The following MARCHF10 variants were observed in gnomAD, a reference collection of about 807,000 sequenced individuals.
The protein encoded by MARCHF10 is probable E3 ubiquitin-protein ligase MARCHF10.
Under a neutral mutation model 76.2 loss-of-function variants are expected in MARCHF10, and 64 were observed. The observed-to-expected ratio is 0.84, with a 90% CI of 0.69 to 1.03. MARCHF10 has a LOEUF of 1.03. Among genes scored for constraint, MARCHF10 ranks in the 50% least tolerant of loss-of-function variants. The pLI is 0.00. For synonymous variants in MARCHF10, 340 were observed against 357.5 expected (o/e 0.95, Z 0.55); for missense variants, 875 against 958.0 (o/e 0.91, Z 1.14).
intron 2 of MARCHF10, among the ~76,000 whole-genome samples, chr17:62,795,553 T>C (rs1211419283): frequency 6.6e-6 from 1 of 152,144 alleles, no homozygotes; most frequent in Non-Finnish European, 1.5e-5. Flanking sequence ...AGGAGTAGTA[T>C]CAAAATAACT....
At chr17:62,753,949 A>G (rs1204341322) in intron 4 of MARCHF10, among the ~76,000 whole-genome samples, 1 of 152,210 alleles carries the variant, frequency 6.6e-6, no homozygotes, top group Admixed American at 6.5e-5. Context: ...CCCTGGTATC[A>G]TACACCCTGG....
Position 62,801,651 on chromosome 17 carries a change from A to T in MARCHF10, c.85T>A (p.Tyr29Asn). The T allele has an allele frequency of 6.2e-7, 1 of 1,613,804 alleles. No individual in the cohort carries two copies. The highest frequency in any genetic ancestry group is 2.2e-5 in the East Asian group (1 of 44,872). ...RDMQHKVDSE[Y>N]QACLRRQEYR... ...TTCTTGCTTTCTGCAATTACCTGAT[A>T]CTCAGAGTCCACCTTATGCTGCATG... The change falls in exon 2 of 11, where the codon TAT becomes AAT. Residue 29 changes from tyrosine (Y) to asparagine (N), a missense_variant. By Grantham distance (143) the Tyr-to-Asn change is moderately radical. Transcript: ENST00000311269.
intron 2 of MARCHF10, among the ~76,000 whole-genome samples, chr17:62,791,370 G>A (rs2092839557): frequency 6.6e-6 from 1 of 152,238 alleles, no homozygotes; most frequent in African/African-American, 2.4e-5. Context: ...TGAAAGTGGA[G>A]GAGGCAGTGT....
At chr17:62,801,492 G>A (rs1199184839) in intron 2 of MARCHF10, among the ~76,000 whole-genome samples, 154 bp downstream of exon 2, 1 of 150,130 alleles carries the variant, frequency 6.7e-6, no homozygotes, top group Non-Finnish European at 1.5e-5. Context: ...CGAGGATACA[G>A]AGAGGTGAAG....
At chr17:62,785,175 GAT>G (rs1372005762) in intron 3 of MARCHF10, among the ~76,000 whole-genome samples, 2 of 152,106 alleles carry the variant, frequency 1.3e-5, no homozygotes, top group Non-Finnish European at 2.9e-5. Flanking sequence ...TACCAAAACA[GAT>G]ATATAGACCA....
intron 3 of MARCHF10, among the ~76,000 whole-genome samples, chr17:62,768,111 C>T (rs1008341204): frequency 6.6e-6 from 1 of 152,254 alleles, no homozygotes; most frequent in Admixed American, 6.5e-5. Flanking sequence ...CTGACCTGCA[C>T]ATCTCACCAG....
At chr17:62,725,957 C>A (rs1404766257) in intron 6 of MARCHF10, 4 of 152,280 alleles carry the variant, frequency 2.6e-5, no homozygotes, top group Non-Finnish European at 5.9e-5. Flanking sequence ...ACCTGTTCTG[C>A]AAACTGTAAA....
At chr17:62,793,928 C>T (rs2092936340) in intron 2 of MARCHF10, among the ~76,000 whole-genome samples, 1 of 149,398 alleles carries the variant, frequency 6.7e-6, no homozygotes, top group Non-Finnish European at 1.5e-5. Context: ...CCACCACCAC[C>T]TCTATCAACC....
chr17:62,711,972 C>T lies in MARCHF10; in HGVS notation c.2215-628G>A, dbSNP rs765203408. 5.3e-5 allele frequency among the ~76,000 whole-genome samples: 8 copies of T among 152,226 alleles called. No homozygotes were observed. The highest frequency in any genetic ancestry group is 3.9e-4 in the East Asian group (2 of 5,166). ...GAGGAGTGGGCTGTGCTTTTTTTCT[C>T]GCTGGTGCTCAGAACAGGCGCTACA... On this transcript the variant is annotated intron_variant, in intron 8 of 10. Coordinates refer to ENST00000311269, the MANE Select transcript of MARCHF10 (RefSeq NM_152598.4). This position sits in a 1 kb window ranked among gnomAD's most constrained non-coding sequence, Gnocchi z 4.4.
intron 4 of MARCHF10, chr17:62,750,151 A>C (rs1394399345): frequency 6.5e-6 from 1 of 153,396 alleles, no homozygotes; most frequent in Non-Finnish European, 1.5e-5. Context: ...GGAAGCCCGA[A>C]GTCCCCTCTC....
At chr17:62,708,462 T>G (rs1163081700) in intron 9 of MARCHF10, among the ~76,000 whole-genome samples, 1 of 152,106 alleles carries the variant, frequency 6.6e-6, no homozygotes, top group African/African-American at 2.4e-5. Context: ...GCCAGGATGG[T>G]CTCGATCTCC....
intron 3 of MARCHF10, among the ~76,000 whole-genome samples, chr17:62,775,510 G>A (rs989506429): frequency 3.9e-5 from 6 of 152,080 alleles, no homozygotes; most frequent in African/African-American, 7.2e-5. Context: ...AGCCACTCGG[G>A]GGGGGGCGTG....
intron 6 of MARCHF10, among the ~76,000 whole-genome samples, chr17:62,728,582 C>T (rs1194958560): frequency 6.6e-6 from 1 of 151,728 alleles, no homozygotes; most frequent in Non-Finnish European, 1.5e-5. Flanking sequence ...AATTGTTTAA[C>T]GAAGGGAGGA....
intron 8 of MARCHF10, among the ~76,000 whole-genome samples, chr17:62,716,056 T>C (rs751691612): frequency 1.3e-5 from 2 of 152,146 alleles, no homozygotes; most frequent in African/African-American, 2.4e-5. Flanking sequence ...GGCCCGCTCC[T>C]CTCTTTCCTT....
rs1209667730 is a variant in MARCHF10, at chr17:62,744,473, A to C, written c.438T>G (p.Phe146Leu). ...GGCTGTGCGATTCTGGGCTGACTGT[A>C]AATCTCCTCAGGTTTGGCTTCCTCT... is the stretch of plus-strand genomic sequence containing the variant. ...LRKRKPNLRRFTVSPESHSPR... is the reference protein window; with the variant it reads ...LRKRKPNLRRLTVSPESHSPR... The change falls in exon 5 of 11, where the codon TTT becomes TTG. Residue 146 changes from phenylalanine to leucine, a missense_variant. By Grantham distance (22) the Phe-to-Leu change is conservative (BLOSUM62 0). Transcript: ENST00000311269. 6.2e-7 allele frequency: 1 copy of C among 1,614,160 alleles called. No individual in the cohort carries two copies. The highest frequency in any genetic ancestry group is 8.5e-7 in the Non-Finnish European group (1 of 1,180,022).
chr17:62,725,144 C>T lies in MARCHF10; in HGVS notation c.1938-40G>A, dbSNP rs149736696. On this transcript the variant is annotated intron_variant, in intron 6 of 10. Transcript: ENST00000311269. ...AAGCCCTCGTGACCAGGAGGCTACACGTTTGCAGTTTCTACAAATACCAGT... is the reference window on the plus strand; with the variant it reads ...AAGCCCTCGTGACCAGGAGGCTACATGTTTGCAGTTTCTACAAATACCAGT... The T allele has an allele frequency of 3.5e-5, 53 of 1,527,150 alleles. No homozygotes were observed. In the East Asian group the frequency reaches 5.8e-4, roughly 17 times the overall value. 94.6% of individuals were successfully genotyped at this position (1,527,150 alleles called of 1,614,324 possible). A position where few individuals can be genotyped will look rare whatever the true frequency, so the allele number is the denominator to read the frequency against.
rs1357170869 is a variant in MARCHF10, at chr17:62,808,100, T to G, written c.-41A>C. ...ACCTGTGGGTCTGCCCTTCCTCCCC[T>G]GCCGGGGCTACAGGGGTCGAGGGGC... is the stretch of plus-strand genomic sequence containing the variant. On this transcript the variant is annotated 5_prime_UTR_variant, in exon 1 of 11. Transcript: ENST00000311269. 1.5e-4 allele frequency: 14 copies of G among 94,096 alleles called. No individual in the cohort carries two copies. The highest frequency in any genetic ancestry group is 1.4e-4 in the Non-Finnish European group (7 of 50,426). The allele number at this position is 94,096 out of a possible 1,614,324, so 5.8% of individuals were successfully genotyped here. A position where few individuals can be genotyped will look rare whatever the true frequency, so the allele number is the denominator to read the frequency against.
At position 62,788,988 on chromosome 17, in the gene MARCHF10, G is replaced by A. The variant is rs566714904; in HGVS notation, c.91-389C>T. ...TGAGGCAGGAGAATGGCGTGAACCC[G>A]GGAAGCGGAGCTTGCAGTGAGCCGA... On this transcript the variant is annotated intron_variant, in intron 2 of 10. Transcript: ENST00000311269. 1.3e-3 allele frequency among the ~76,000 whole-genome samples: 194 copies of A among 150,104 alleles called. 1 individual carries two copies. The highest frequency in any genetic ancestry group is 9.9e-4 in the East Asian group (5 of 5,054).
At chr17:62,721,424 G>A (rs910703334) in intron 8 of MARCHF10, among the ~76,000 whole-genome samples, 2 of 151,626 alleles carry the variant, frequency 1.3e-5, no homozygotes, top group Admixed American at 1.3e-4. Flanking sequence ...TACAGGATAT[G>A]TTGATTAGAA....
Sources: gnomAD v4.1 joint callset for allele counts (sites outside exome capture counted in the v4.1 genomes callset) on GRCh38, gnomAD v4.1.1 for gene constraint, Gnocchi (gnomAD v3.1) non-coding constraint, MANE v1.5 for transcripts, NCBI Gene and HGNC (gene_info 2026-07-23, HGNC 2026-07-21) for gene names.